Variants in SEC22A observed in about 807,000 individuals in gnomAD.
The protein encoded by SEC22A is vesicle-trafficking protein SEC22a.
In SEC22A, 22 loss-of-function variants were observed where a neutral mutation model predicts 35.3. That is an observed-to-expected ratio of 0.62 (90% CI 0.45 to 0.89). The LOEUF is 0.89. Ranked by LOEUF, SEC22A falls within the 40% of genes least tolerant of loss-of-function variation. SEC22A has a pLI of 0.00. For synonymous variants in SEC22A, 119 were observed against 129.5 expected, an observed-to-expected ratio of 0.92 and a Z score of 0.55; for missense variants, 354 against 362.5, an observed-to-expected ratio of 0.98 and a Z score of 0.19.
chr3:123,269,242 T>G (rs1032486232), intron 6 of SEC22A, among the ~76,000 whole-genome samples: 2 of 147,244 alleles, frequency 1.4e-5, no homozygotes, highest in African/African-American at 2.5e-5. Context: ...TGCTAGCTCA[T>G]TTTTACAGTA....
intron 2 of SEC22A, among the ~76,000 whole-genome samples, chr3:123,214,896 C>T (rs1370006868): frequency 1.3e-5 from 2 of 152,142 alleles, no homozygotes; most frequent in Admixed American, 6.5e-5. Flanking sequence ...TCGCTGTGAG[C>T]CTCCTAATGT....
intron 5 of SEC22A, among the ~76,000 whole-genome samples, chr3:123,252,800 G>A (rs947740732): frequency 6.6e-6 from 1 of 152,140 alleles, no homozygotes; most frequent in Non-Finnish European, 1.5e-5. Context: ...ATTCAAATAC[G>A]TAGCACTGAA....
chr3:123,248,873 C>A (rs543292633), intron 5 of SEC22A, among the ~76,000 whole-genome samples: 77 of 152,264 alleles, frequency 5.1e-4, no homozygotes, highest in African/African-American at 1.8e-3. Flanking sequence ...ACATATTCCC[C>A]AGTACCAGCT....
chr3:123,212,775 T>C lies in SEC22A; in HGVS notation c.182+3376T>C, dbSNP rs77831202. ...GGAGTCAAAAGAAGGAAAATAGAGATAGGAGAATAATAAACTGAGGTAACA... is the reference window on the plus strand; with the variant it reads ...GGAGTCAAAAGAAGGAAAATAGAGACAGGAGAATAATAAACTGAGGTAACA... On this transcript the variant is annotated intron_variant, in intron 2 of 6. Coordinates refer to ENST00000492595, the MANE Select transcript of SEC22A (RefSeq NM_012430.5). 2.7e-3 allele frequency among the ~76,000 whole-genome samples: 408 copies of C among 152,084 alleles called. 4 individuals carry two copies. Among genetic ancestry groups the C allele is most frequent in the African/African-American group, 9.1e-3 (377 of 41,504 alleles).
chr3:123,269,299 C>A (rs1233578703), intron 6 of SEC22A, among the ~76,000 whole-genome samples: 5 of 151,210 alleles, frequency 3.3e-5, no homozygotes, highest in Admixed American at 6.6e-5. Flanking sequence ...TATAAAATCA[C>A]CATTAAGCGA....
At chr3:123,242,763 T>A (rs1392218476) in intron 4 of SEC22A, among the ~76,000 whole-genome samples, 1 of 152,188 alleles carries the variant, frequency 6.6e-6, no homozygotes, top group Admixed American at 6.5e-5. Context: ...TGAGAAAGTT[T>A]AGGCACAGAA....
chr3:123,270,184 C>T (rs377424055), intron 6 of SEC22A, among the ~76,000 whole-genome samples: 13 of 152,066 alleles, frequency 8.5e-5, no homozygotes, highest in East Asian at 1.9e-4. Context: ...GTAAACAAAG[C>T]GTATACAATA....
intron 4 of SEC22A, among the ~76,000 whole-genome samples, chr3:123,226,298 G>T (rs941819824): frequency 1.3e-5 from 2 of 152,134 alleles, no homozygotes; most frequent in Non-Finnish European, 2.9e-5. Context: ...CATAGTGGTT[G>T]TACTAATTTA....
Position 123,210,557 on chromosome 3 carries a change from A to T in SEC22A, c.182+1158A>T, listed in dbSNP as rs57591808. ...GGCACTGCTAGGTAAGCAGCTGGAT[A>T]TATGAGTCTGAAGCTTAGTGAAGAG... On this transcript the variant is annotated intron_variant, in intron 2 of 6. Coordinates refer to ENST00000492595, the MANE Select transcript of SEC22A (RefSeq NM_012430.5). Among the ~76,000 whole-genome samples, 1,347 of 152,336 alleles carry T rather than the reference A, an allele frequency of 8.8e-3. 10 individuals are homozygous for T. The highest frequency in any genetic ancestry group is 0.03 in the African/African-American group (1,264 of 41,574).
At chr3:123,216,256 T>C (rs918678654) in intron 2 of SEC22A, among the ~76,000 whole-genome samples, 5 of 152,246 alleles carry the variant, frequency 3.3e-5, no homozygotes, top group Non-Finnish European at 7.4e-5. Context: ...ATCTGATCAG[T>C]TATCTAAAAA....
intron 6 of SEC22A, among the ~76,000 whole-genome samples, chr3:123,267,119 C>A (rs1015372636): frequency 1.3e-5 from 2 of 151,976 alleles, no homozygotes; most frequent in Non-Finnish European, 2.9e-5. Flanking sequence ...CTTTTCCATC[C>A]TTTACTTTGA....
intron 5 of SEC22A, among the ~76,000 whole-genome samples, chr3:123,254,964 A>G (rs571050256): frequency 6.9e-6 from 1 of 144,116 alleles, no homozygotes; most frequent in Non-Finnish European, 1.5e-5. Flanking sequence ...GTTCCCACCT[A>G]TGAGTCTTAG....
intron 5 of SEC22A, among the ~76,000 whole-genome samples, chr3:123,256,676 G>C (rs1937738299): frequency 6.6e-6 from 1 of 151,932 alleles, no homozygotes. Flanking sequence ...ATCACTTTGG[G>C]TGGTAATTAT....
At chr3:123,251,259 G>A (rs1937610585) in intron 5 of SEC22A, among the ~76,000 whole-genome samples, 3 of 152,106 alleles carry the variant, frequency 2.0e-5, no homozygotes, top group Admixed American at 1.3e-4. Flanking sequence ...AAGAAGCATG[G>A]GGTATAAATT....
chr3:123,269,969 G>A (rs530575106), intron 6 of SEC22A, among the ~76,000 whole-genome samples: 35 of 152,170 alleles, frequency 2.3e-4, no homozygotes, highest in African/African-American at 8.2e-4. Flanking sequence ...AGCTGTTACA[G>A]ATTGGAATAT....
intron 6 of SEC22A, among the ~76,000 whole-genome samples, chr3:123,264,625 A>AT (rs369549384): frequency 0.026 from 3,417 of 133,284 alleles, 134 homozygotes; most frequent in African/African-American, 0.084. Context: ...ACATCTTTTG[A>AT]TTTTTTTTTT....
At chr3:123,233,571 G>A (rs1452618805) in intron 4 of SEC22A, among the ~76,000 whole-genome samples, 2 of 151,250 alleles carry the variant, frequency 1.3e-5, no homozygotes, top group African/African-American at 4.9e-5. Flanking sequence ...AATAAGAAAT[G>A]AAAAACACAT....
intron 6 of SEC22A, among the ~76,000 whole-genome samples, chr3:123,260,169 A>AAAAAAAAAC (rs1559763879): frequency 2.6e-4 from 30 of 114,832 alleles, no homozygotes; most frequent in African/African-American, 9.7e-4. Context: ...AAAAAAAAAA[A>AAAAAAAAAC]CTACTAGATT....
intron 1 of SEC22A, among the ~76,000 whole-genome samples, chr3:123,205,972 A>C (rs576502299): frequency 6.6e-6 from 1 of 152,332 alleles, no homozygotes; most frequent in South Asian, 2.1e-4. Context: ...CATGGATCAT[A>C]TATTTATTGA....
Sources: gnomAD v4.1 joint callset for allele counts (sites outside exome capture counted in the v4.1 genomes callset) on GRCh38, gnomAD v4.1.1 for gene constraint, MANE v1.5 for transcripts, NCBI Gene and HGNC (gene_info 2026-07-23, HGNC 2026-07-21) for gene names.